Variants in ANKS1B observed in about 807,000 individuals in gnomAD.
ANKS1B encodes the protein ankyrin repeat and sterile alpha motif domain-containing protein 1B.
ANKS1B carries 36 observed loss-of-function variants against 148.3 expected under a neutral mutation model. The ratio of observed to expected loss-of-function variants is 0.24; its 90% CI spans 0.19 to 0.32. The LOEUF is 0.32. Among genes scored for constraint, ANKS1B ranks in the 10% least tolerant of loss-of-function variants. The probability of loss-of-function intolerance (pLI) is 1.00; values close to 1 mark genes in which losing one functional copy is unlikely to be tolerated. For synonymous variants in ANKS1B, 542 were observed against 560.8 expected (o/e 0.97, Z 0.47); for missense variants, 1,157 against 1,542.6 (o/e 0.75, Z 4.19).
chr12:98,986,908 C>T (rs2099923776), intron 17 of ANKS1B, among the ~76,000 whole-genome samples: 1 of 152,108 alleles, frequency 6.6e-6, no homozygotes, highest in African/African-American at 2.4e-5. Flanking sequence ...CATGAGCCAC[C>T]ATGGCTGGCT....
intron 9 of ANKS1B, among the ~76,000 whole-genome samples, chr12:99,533,289 T>C (rs571052731): frequency 6.6e-6 from 1 of 152,324 alleles, no homozygotes; most frequent in East Asian, 1.9e-4. Context: ...TATATTATTT[T>C]GCAGCTATTG....
At chr12:99,801,386 T>G (rs901070401) in intron 4 of ANKS1B, among the ~76,000 whole-genome samples, 14 of 152,200 alleles carry the variant, frequency 9.2e-5, no homozygotes, top group African/African-American at 3.4e-4. Flanking sequence ...AAGAAAACGG[T>G]GGTTCAAAGA....
At chr12:99,487,390 C>T (rs2096504369) in intron 10 of ANKS1B, among the ~76,000 whole-genome samples, 1 of 152,092 alleles carries the variant, frequency 6.6e-6, no homozygotes, top group African/African-American at 2.4e-5. Flanking sequence ...TTACAATTAC[C>T]ATCATCATGA....
chr12:99,934,875 TA>T (rs1351344659), intron 1 of ANKS1B, among the ~76,000 whole-genome samples: 3 of 152,124 alleles, frequency 2.0e-5, no homozygotes, highest in African/African-American at 4.8e-5. Flanking sequence ...AATGCTTGTC[TA>T]AGTATAGAAT....
At chr12:99,527,066 C>A (rs1385967141) in intron 9 of ANKS1B, among the ~76,000 whole-genome samples, 2 of 152,176 alleles carry the variant, frequency 1.3e-5, no homozygotes, top group East Asian at 3.9e-4. Flanking sequence ...TTCTCTCTCA[C>A]AGACCTCAGA....
chr12:98,985,856 T>A (rs1377092971), intron 17 of ANKS1B, among the ~76,000 whole-genome samples: 3 of 152,306 alleles, frequency 2.0e-5, no homozygotes, highest in Admixed American at 6.5e-5. Flanking sequence ...AAATCCCAAT[T>A]TCTATGTAGT....
intron 6 of ANKS1B, among the ~76,000 whole-genome samples, chr12:99,776,867 TAG>T (rs2063707951): frequency 6.6e-6 from 1 of 152,030 alleles, no homozygotes; most frequent in African/African-American, 2.4e-5. Context: ...GTATTTTTAG[TAG>T]AGACAGGGTT....
At chr12:99,798,423 T>TAAAAAAAAAA (rs61020616) in intron 4 of ANKS1B, among the ~76,000 whole-genome samples, 2 of 78,646 alleles carry the variant, frequency 2.5e-5, no homozygotes, top group Non-Finnish European at 5.6e-5. Context: ...CTCTTGGAAT[T>TAAAAAAAAAA]AAAAAAAAAA....
chr12:99,481,081 G>C (rs1048614954), intron 10 of ANKS1B, among the ~76,000 whole-genome samples: 3 of 151,024 alleles, frequency 2.0e-5, no homozygotes, highest in Admixed American at 6.6e-5. Flanking sequence ...TATGTTACAC[G>C]CATGAATTAT....
At chr12:99,176,453 T>C (rs1462275040) in intron 14 of ANKS1B, among the ~76,000 whole-genome samples, 1 of 152,196 alleles carries the variant, frequency 6.6e-6, no homozygotes, top group African/African-American at 2.4e-5. Context: ...ACTACGATCA[T>C]GATCACCTTG....
intron 9 of ANKS1B, chr12:99,649,811 C>T (rs1296768062): frequency 1.3e-5 from 2 of 151,668 alleles, no homozygotes; most frequent in Non-Finnish European, 2.8e-5. Context: ...GACAGTATCT[C>T]TCTGCTACTC....
intron 12 of ANKS1B, among the ~76,000 whole-genome samples, chr12:99,306,932 C>T (rs984594844): frequency 1.3e-5 from 2 of 151,988 alleles, no homozygotes; most frequent in Admixed American, 6.6e-5. Context: ...CATGCTGCAT[C>T]TTGATTTTGT....
intron 1 of ANKS1B, among the ~76,000 whole-genome samples, chr12:99,925,972 A>G (rs909366847): frequency 2.6e-5 from 4 of 152,088 alleles, no homozygotes; most frequent in Non-Finnish European, 4.4e-5. Flanking sequence ...ACCTAAATGG[A>G]TAGCTTTTAA....
At chr12:98,775,114 G>C (rs1052850062) in intron 24 of ANKS1B, among the ~76,000 whole-genome samples, 1 of 152,194 alleles carries the variant, frequency 6.6e-6, no homozygotes, top group South Asian at 2.1e-4. Context: ...TGGGAAGCCT[G>C]GGTGGATTTG....
chr12:99,912,621 G>A (rs1002380481), intron 1 of ANKS1B, among the ~76,000 whole-genome samples: 2 of 152,036 alleles, frequency 1.3e-5, no homozygotes, highest in Non-Finnish European at 1.5e-5. Context: ...CAAAGTACTG[G>A]GATTACAGGC....
chr12:99,599,244 G>T (rs545459022), intron 9 of ANKS1B, among the ~76,000 whole-genome samples: 5 of 152,154 alleles, frequency 3.3e-5, no homozygotes, highest in Non-Finnish European at 7.4e-5. Flanking sequence ...TTCTTTGGGG[G>T]CATTTTTCAG....
chr12:99,662,180 G>A (rs1215073667), intron 8 of ANKS1B, among the ~76,000 whole-genome samples: 1 of 152,088 alleles, frequency 6.6e-6, no homozygotes. Flanking sequence ...AAATTCCTTT[G>A]CTTGTCTTCA....
intron 9 of ANKS1B, among the ~76,000 whole-genome samples, chr12:99,606,567 A>AAAG (rs202190023): frequency 6.6e-6 from 1 of 151,254 alleles, no homozygotes; most frequent in Admixed American, 6.6e-5. Context: ...TATCTTATAA[A>AAAG]AAGAAGACGC....
rs1480334733 is a variant in ANKS1B at position 99,484,762 on chromosome 12, G to GT, written c.1438+19713dup. On this transcript the variant is annotated intron_variant, in intron 10 of 26. Transcript: ENST00000683438. ...AGTGACCGTCTTTGTGTGTGTGTGT[G>GT]TGTTTTTTTTTTTTTTTTTTTACCA... Among the ~76,000 whole-genome samples the GT allele has an allele frequency of 9.1e-3, 1,025 of 112,144 alleles. 16 individuals are homozygous for GT. The highest frequency in any genetic ancestry group is 0.041 in the African/African-American group (952 of 23,352). The allele number at this position is 112,144 out of a possible 152,430, so 73.6% of individuals were successfully genotyped here.
Sources: allele counts gnomAD v4.1 joint callset (sites outside exome capture counted in the v4.1 genomes callset), GRCh38; gene constraint gnomAD v4.1.1; transcripts MANE v1.5; gene names NCBI Gene and HGNC (gene_info 2026-07-23, HGNC 2026-07-21).